The following CCDC60 variants were observed in gnomAD, a reference collection of about 807,000 sequenced individuals.
The protein encoded by CCDC60 is coiled-coil domain-containing protein 60.
CCDC60 carries 54 observed loss-of-function variants against 63.5 expected under a neutral mutation model. The ratio of observed to expected loss-of-function variants is 0.85; its 90% CI spans 0.68 to 1.07. The LOEUF is 1.07. Among genes scored for constraint, CCDC60 ranks in the 50% least tolerant of loss-of-function variants. The pLI is 0.00. For missense variants in CCDC60, 651 were observed against 684.3 expected (o/e 0.95, Z 0.54); for synonymous variants, 206 against 238.8 (o/e 0.86, Z 1.27).
intron 3 of CCDC60, among the ~76,000 whole-genome samples, 200 bp from the exon 4 acceptor site, chr12:119,478,894 G>A (rs114200442): frequency 2.0e-5 from 3 of 151,682 alleles, no homozygotes; most frequent in Non-Finnish European, 2.9e-5. Context: ...CATGAGCCAC[G>A]GCACCCGACC....
At chr12:119,453,719 A>G (rs896105540) in intron 2 of CCDC60, among the ~76,000 whole-genome samples, 1 of 152,204 alleles carries the variant, frequency 6.6e-6, no homozygotes, top group Admixed American at 6.5e-5. Flanking sequence ...GTGCAAAGCA[A>G]GAAAGTTGTA....
intron 1 of CCDC60, among the ~76,000 whole-genome samples, chr12:119,397,075 T>G (rs1956269571): frequency 6.6e-6 from 1 of 151,964 alleles, no homozygotes; most frequent in African/African-American, 2.4e-5. Flanking sequence ...CATCTGGAGT[T>G]GTTCGTTCCT....
intron 1 of CCDC60, among the ~76,000 whole-genome samples, chr12:119,407,946 T>C (rs1956524350): frequency 6.6e-6 from 1 of 152,328 alleles, no homozygotes; most frequent in African/African-American, 2.4e-5. Context: ...GCCCAGGCCG[T>C]GGACAAAAAA....
At chr12:119,435,381 C>CAATG (rs1270606568) in intron 2 of CCDC60, among the ~76,000 whole-genome samples, 1 of 152,154 alleles carries the variant, frequency 6.6e-6, no homozygotes, top group East Asian at 1.9e-4. Context: ...GATAGCTAGC[C>CAATG]CATTGCTTTA....
chr12:119,356,316 C>T (rs1258741802), intron 1 of CCDC60, among the ~76,000 whole-genome samples: 1 of 152,122 alleles, frequency 6.6e-6, no homozygotes, highest in Non-Finnish European at 1.5e-5. Context: ...GGTACTGCAC[C>T]TTTTGCTTTG....
At chr12:119,452,298 T>C (rs1232080978) in intron 2 of CCDC60, among the ~76,000 whole-genome samples, 2 of 152,220 alleles carry the variant, frequency 1.3e-5, no homozygotes, top group African/African-American at 4.8e-5. Context: ...GAATATCCAA[T>C]TTAGAATTGT....
chr12:119,346,776 CTTTCTTT>C (rs1955598102), intron 1 of CCDC60, among the ~76,000 whole-genome samples: 1 of 46,404 alleles, frequency 2.2e-5, no homozygotes, highest in Non-Finnish European at 4.2e-5. Flanking sequence ...TCATCTTTCT[CTTTCTTT>C]CTTTCTTTCT....
rs1951572791 is a variant in CCDC60 at position 119,491,154 on chromosome 12, CATGATGGT to C, written c.557+2291_557+2298del. 2.0e-5 allele frequency among the ~76,000 whole-genome samples: 3 copies of C among 152,140 alleles called. No homozygotes were observed. In the South Asian group the frequency reaches 6.2e-4, roughly 31 times the overall value. On this transcript the variant is annotated intron_variant, in intron 5 of 13. Coordinates refer to ENST00000327554, the MANE Select transcript of CCDC60 (RefSeq NM_178499.5). ...TTACAATAACCAATAGGCATCTTTCCATGATGGTATACACAGGTTTACACATTCTTTCA... is the reference window on the plus strand; with the variant it reads ...TTACAATAACCAATAGGCATCTTTCCATACACAGGTTTACACATTCTTTCA...
intron 1 of CCDC60, among the ~76,000 whole-genome samples, chr12:119,418,382 CTTTCTTTTTTTTTTTTTTTTTTTTTTT>C (rs1956744841): frequency 3.3e-5 from 2 of 60,726 alleles, no homozygotes; most frequent in Admixed American, 1.8e-4. Flanking sequence ...CCTTTTCTTT[CTTTCTTTTTTTTTTTTTTTTTTTTTTT>C]TTTTTTTTTT....
In CCDC60 at chr12:119,540,761, T is replaced by C; in HGVS notation, c.*46T>C. The C allele has an allele frequency of 1.5e-6, 2 of 1,327,982 alleles. No individual in the cohort carries two copies. Among genetic ancestry groups the C allele is most frequent in the Non-Finnish European group, 2.2e-6 (2 of 926,120 alleles). The allele number at this position is 1,327,982 out of a possible 1,614,324, so 82.3% of individuals were successfully genotyped here. ...CTGTCTCAGTGGAGGAGTGTTTGCC[T>C]ATATCATGTTCCTGTATCCTGCCTG... On this transcript the variant is annotated 3_prime_UTR_variant, in exon 14 of 14. Coordinates refer to ENST00000327554, the MANE Select transcript of CCDC60 (RefSeq NM_178499.5).
At position 119,508,396 on chromosome 12, in the gene CCDC60, G is replaced by A. The variant is rs143918853; in HGVS notation, c.883+3093G>A. Reference sequence around the variant, plus strand: ...CTCAGGAGGCTGAGGCAGGAGAATCGCTTGAACCCTGGAGGCAGAGGTTGT... The same window carrying A: ...CTCAGGAGGCTGAGGCAGGAGAATCACTTGAACCCTGGAGGCAGAGGTTGT... On this transcript the variant is annotated intron_variant, in intron 7 of 13. Transcript: ENST00000327554. Among the ~76,000 whole-genome samples the A allele has an allele frequency of 3.7e-3, 566 of 151,438 alleles. 3 individuals are homozygous for A. The highest frequency in any genetic ancestry group is 6.8e-3 in the Middle Eastern group (2 of 292).
At chr12:119,341,874 G>A (rs1300729992) in intron 1 of CCDC60, among the ~76,000 whole-genome samples, 1 of 152,164 alleles carries the variant, frequency 6.6e-6, no homozygotes, top group African/African-American at 2.4e-5. Flanking sequence ...TTGTAGAGAA[G>A]GGGGTGCTCC....
At chr12:119,394,621 G>A (rs1329169947) in intron 1 of CCDC60, among the ~76,000 whole-genome samples, 3 of 152,178 alleles carry the variant, frequency 2.0e-5, no homozygotes, top group Admixed American at 6.5e-5. Context: ...TGGCATGCAC[G>A]ACCATATGGG....
At chr12:119,352,867 G>A (rs925477411) in intron 1 of CCDC60, among the ~76,000 whole-genome samples, 5 of 152,172 alleles carry the variant, frequency 3.3e-5, no homozygotes, top group Non-Finnish European at 7.3e-5. Context: ...TTGGACCAGG[G>A]AGGCGGAGGT....
At chr12:119,368,201 CAGGAGGAGGAGGGGGAGGAAGAGG>C (rs1199710890) in intron 1 of CCDC60, among the ~76,000 whole-genome samples, 21 of 82,594 alleles carry the variant, frequency 2.5e-4, no homozygotes, top group African/African-American at 9.2e-4. Flanking sequence ...GGGGGAAGGG[CAGGAGGAGGAGGGGGAGGAAGAGG>C]AGGAGGAGGA....
intron 1 of CCDC60, among the ~76,000 whole-genome samples, chr12:119,369,955 G>A (rs1306928674): frequency 6.6e-6 from 1 of 152,134 alleles, no homozygotes; most frequent in Non-Finnish European, 1.5e-5. Flanking sequence ...GATTTCAAAT[G>A]TAAATGTCTT....
intron 1 of CCDC60, among the ~76,000 whole-genome samples, chr12:119,391,824 A>G (rs1223077907): frequency 6.6e-6 from 1 of 152,172 alleles, no homozygotes; most frequent in Non-Finnish European, 1.5e-5. Flanking sequence ...CCCTGCAAAA[A>G]TGCTTGGTCT....
At position 119,455,424 on chromosome 12, in the gene CCDC60, G is replaced by A. The variant is rs75378654; in HGVS notation, c.171-16570G>A. On this transcript the variant is annotated intron_variant, in intron 2 of 13. Transcript: ENST00000327554. Reference sequence around the variant, plus strand: ...AGTACATAGGTACAAGGAGCTGTGGGTGCACTTGACCTAGCCTGGAACTGA... The same window carrying A: ...AGTACATAGGTACAAGGAGCTGTGGATGCACTTGACCTAGCCTGGAACTGA... Among the ~76,000 whole-genome samples, 964 of 152,322 alleles carry A rather than the reference G, an allele frequency of 6.3e-3. 13 individuals are homozygous for A. The highest frequency in any genetic ancestry group is 0.022 in the African/African-American group (910 of 41,574).
At position 119,487,959 on chromosome 12, in the gene CCDC60, A is replaced by G. The variant is rs183356643; in HGVS notation, c.450-800A>G. 2.8e-4 allele frequency among the ~76,000 whole-genome samples: 43 copies of G among 152,134 alleles called. 1 individual carries two copies. The East Asian group carries it at 7.8e-3, about 27-fold the overall frequency. On this transcript the variant is annotated intron_variant, in intron 4 of 13. Coordinates refer to ENST00000327554, the MANE Select transcript of CCDC60 (RefSeq NM_178499.5). ...CTGGCTCAAGCGATCCTCTTACCCCAGCCTCCCAAGTAGCAGGGATCACAG... is the reference window on the plus strand; with the variant it reads ...CTGGCTCAAGCGATCCTCTTACCCCGGCCTCCCAAGTAGCAGGGATCACAG...
Sources: allele counts gnomAD v4.1 joint callset (sites outside exome capture counted in the v4.1 genomes callset), GRCh38; gene constraint gnomAD v4.1.1; transcripts MANE v1.5; gene names NCBI Gene and HGNC (gene_info 2026-07-23, HGNC 2026-07-21).